The following UNC13A variants were observed in gnomAD, a reference collection of about 807,000 sequenced individuals.
The protein encoded by UNC13A is protein unc-13 homolog A.
In UNC13A, 61 loss-of-function variants were observed where a neutral mutation model predicts 219.7. That is an observed-to-expected ratio of 0.28 (90% confidence interval 0.23 to 0.34). UNC13A has a LOEUF of 0.34. Ranked by LOEUF, UNC13A falls within the 10% of genes least tolerant of loss-of-function variation. UNC13A has a pLI of 1.00. For missense variants in UNC13A, 1,476 were observed against 2,270.3 expected, an observed-to-expected ratio of 0.65 and a Z score of 7.11; for synonymous variants, 920 against 884.6, an observed-to-expected ratio of 1.04 and a Z score of -0.71.
At chr19:17,642,032 A>ACATACATCCATC (rs1555780351) in intron 20 of UNC13A, among the ~76,000 whole-genome samples, 2 of 150,278 alleles carry the variant, frequency 1.3e-5, no homozygotes, top group African/African-American at 4.9e-5. Flanking sequence ...ATCTGCCTAT[A>ACATACATCCATC]CATCCATCCA....
chr19:17,654,957 C>T (rs567429742), intron 11 of UNC13A, among the ~76,000 whole-genome samples: 1 of 152,182 alleles, frequency 6.6e-6, no homozygotes, highest in East Asian at 1.9e-4. Flanking sequence ...GTTAGCATAG[C>T]CAGGCTGGTG....
chr19:17,616,340 C>A, intron 41 of UNC13A: 1 of 671,426 alleles, frequency 1.5e-6, no homozygotes, highest in Non-Finnish European at 2.7e-6. Context: ...TTTTACTAGC[C>A]GGGGCCAGGA....
intron 8 of UNC13A, 60 bp from the exon 9 acceptor site, chr19:17,658,329 C>G (rs1054802367): frequency 4.6e-6 from 7 of 1,506,332 alleles, no homozygotes; most frequent in Non-Finnish European, 6.4e-6. Context: ...ATGATGGGAG[C>G]CAATACAATT....
chr19:17,646,415 G>A (rs191095939), intron 17 of UNC13A, among the ~76,000 whole-genome samples: 14 of 151,974 alleles, frequency 9.2e-5, no homozygotes, highest in Admixed American at 5.2e-4. Context: ...CACCCCATCC[G>A]GCCAATCGTT....
intron 1 of UNC13A, among the ~76,000 whole-genome samples, chr19:17,676,525 A>C (rs764346964): frequency 6.6e-6 from 1 of 152,150 alleles, no homozygotes; most frequent in Non-Finnish European, 1.5e-5. Context: ...GAAGAGGGGA[A>C]GTTGAGGAGG....
intron 30 of UNC13A, among the ~76,000 whole-genome samples, chr19:17,629,694 A>T (rs900806419): frequency 6.6e-6 from 1 of 151,422 alleles, no homozygotes; most frequent in Non-Finnish European, 1.5e-5. Context: ...CAACCCTCAA[A>T]CTCACCCCAA....
At chr19:17,639,781 C>T (rs1312933664) in intron 23 of UNC13A, 59 bp downstream of exon 23, 1 of 1,587,362 alleles carries the variant, frequency 6.3e-7, no homozygotes, top group Non-Finnish European at 8.6e-7. Context: ...TGGTAGCTTT[C>T]CCCTCCAGGC....
chr19:17,662,145 AG>A (rs1291372835), intron 8 of UNC13A, among the ~76,000 whole-genome samples: 1 of 151,980 alleles, frequency 6.6e-6, no homozygotes, highest in African/African-American at 2.4e-5. Context: ...TGGGAGGCTC[AG>A]GTACGAGAAT....
chr19:17,645,651 C>T (rs1251707676), intron 19 of UNC13A, 23 bp downstream of exon 19: 1 of 1,613,682 alleles, frequency 6.2e-7, no homozygotes, highest in Admixed American at 1.7e-5. Flanking sequence ...TCCCCACCCG[C>T]TTCAGAACCC....
chr19:17,629,316 C>T lies in UNC13A; in HGVS notation c.3677G>A (p.Ser1226Asn). The part of the protein sequence containing the change: ...HYMRRFAKTI[S>N]NVLLQYADII... Reference sequence around the variant, plus strand: ...GTCTGCATACTGGAGGAGCACATTACTGATGGTCTGGGGAAGACACAGAGT... The same window carrying T: ...GTCTGCATACTGGAGGAGCACATTATTGATGGTCTGGGGAAGACACAGAGT... Residue 1226 changes from serine to asparagine, a missense_variant, in exon 31 of 44, where the codon AGT (serine) becomes AAT (asparagine). Around this residue, in one of 14 missense-constraint regions of UNC13A, gnomAD observed 218 missense variants for 409.4 expected, o/e 0.53. Transcript: ENST00000519716. 1 of 1,610,810 alleles carries T rather than the reference C, an allele frequency of 6.2e-7. No individual in the cohort carries two copies. Among genetic ancestry groups the T allele is most frequent in the Non-Finnish European group, 8.5e-7 (1 of 1,178,672 alleles).
At chr19:17,609,836 C>G in intron 43 of UNC13A, 104 bp downstream of exon 43, 1 of 1,517,248 alleles carries the variant, frequency 6.6e-7, no homozygotes, top group Non-Finnish European at 9.0e-7. Context: ...CCCTCCCATT[C>G]CCGGGCCCAG....
intron 8 of UNC13A, among the ~76,000 whole-genome samples, chr19:17,662,417 C>T (rs1417563455): frequency 1.3e-5 from 2 of 152,108 alleles, no homozygotes; most frequent in Admixed American, 1.3e-4. Context: ...AGGGCTCCCA[C>T]TGCTTCTACA....
intron 41 of UNC13A, among the ~76,000 whole-genome samples, chr19:17,615,825 A>G (rs1343028530): frequency 2.0e-5 from 3 of 152,162 alleles, no homozygotes; most frequent in African/African-American, 7.2e-5. Flanking sequence ...AAAATTAAAA[A>G]TTAGCTAGCC....
At chr19:17,620,633 A>C in intron 38 of UNC13A, 60 bp downstream of exon 38, 1 of 1,270,264 alleles carries the variant, frequency 7.9e-7, no homozygotes, top group Admixed American at 2.3e-5. Flanking sequence ...AAGGGGGCAC[A>C]GGGGTGGGGT....
At chr19:17,663,464 C>T in intron 8 of UNC13A, 68 bp downstream of exon 8, 1 of 1,565,348 alleles carries the variant, frequency 6.4e-7, no homozygotes, top group Non-Finnish European at 8.7e-7. Context: ...TGGGGAGGGG[C>T]CTTGGGATCA....
At chr19:17,630,832 A>G (rs2076835439) in intron 28 of UNC13A, 82 bp from the exon 29 acceptor site, 2 of 1,305,282 alleles carry the variant, frequency 1.5e-6, no homozygotes, top group Non-Finnish European at 2.2e-6. Flanking sequence ...CCCACTAACG[A>G]GTGGAGCTAT....
rs2076520317 is a variant in UNC13A at position 17,605,956 on chromosome 19, G to T, written c.*98C>A. On this transcript the variant is annotated 3_prime_UTR_variant, in exon 44 of 44. Transcript: ENST00000519716. ...CCACCCTTGGCGTGGAGCCCCCCGA[G>T]CCCCGCCCCTGGGGAGGTCCCACCA... is the stretch of plus-strand genomic sequence containing the variant. The T allele has an allele frequency of 1.7e-6, 2 of 1,174,010 alleles. No homozygotes were observed. Among genetic ancestry groups the T allele is most frequent in the Middle Eastern group, 6.1e-4 (2 of 3,300 alleles). 72.7% of individuals were successfully genotyped at this position (1,174,010 alleles called of 1,614,324 possible).
rs2076801151 is a variant in UNC13A, at chr19:17,627,945, G to A, written c.3754-5C>T. ...GTTATTCATGAGAATGCAGGGCTGTGGGTGGGAACAGAGAGGGGAGTCAAG... is the reference window on the plus strand; with the variant it reads ...GTTATTCATGAGAATGCAGGGCTGTAGGTGGGAACAGAGAGGGGAGTCAAG... On this transcript the variant is annotated splice_region_variant and splice_polypyrimidine_tract_variant and intron_variant, in intron 31 of 43. Transcript: ENST00000519716. This position sits in a 1 kb window ranked among gnomAD's most constrained non-coding sequence, Gnocchi z 4.7. 2 of 1,587,922 alleles carry A rather than the reference G, an allele frequency of 1.3e-6. No individual in the cohort carries two copies. The highest frequency in any genetic ancestry group is 2.3e-5 in the East Asian group (1 of 43,876).
chr19:17,618,394 G>A (rs1294719170), intron 40 of UNC13A, 27 bp downstream of exon 40: 1 of 1,557,572 alleles, frequency 6.4e-7, no homozygotes, highest in Non-Finnish European at 8.7e-7. Flanking sequence ...TCCCCCACCT[G>A]GGATGGGGAG....
Sources: gnomAD v4.1 joint callset for allele counts (sites outside exome capture counted in the v4.1 genomes callset) on GRCh38, gnomAD v4.1.1 for gene constraint, gnomAD v4.1.1 regional missense constraint, Gnocchi (gnomAD v3.1) non-coding constraint, MANE v1.5 for transcripts, NCBI Gene and HGNC (gene_info 2026-07-23, HGNC 2026-07-21) for gene names.